CLUL1: variants seen among roughly 807,000 people sequenced by gnomAD.
CLUL1 encodes the protein clusterin like 1, also known as clusterin-like protein 1.
In CLUL1, 43 loss-of-function variants were observed where a neutral mutation model predicts 49.4. The ratio of observed to expected loss-of-function variants is 0.87; its 90% CI spans 0.68 to 1.12. The LOEUF is 1.12. CLUL1 is among the 50% of genes most tolerant of loss of function. The pLI, the probability that CLUL1 is intolerant of heterozygous loss-of-function variation, is 0.00. For missense variants in CLUL1, 486 were observed against 544.4 expected (o/e 0.89, Z 1.07); for synonymous variants, 192 against 184.9 (o/e 1.04, Z -0.31).
chr18:620,225 G>T (rs530191009), intron 4 of CLUL1, among the ~76,000 whole-genome samples: 8 of 152,112 alleles, frequency 5.3e-5, no homozygotes, highest in African/African-American at 1.9e-4. Flanking sequence ...ACTTTTAGCC[G>T]ACTTGCCAGA....
chr18:641,219 G>T, intron 7 of CLUL1, 108 bp from the exon 8 acceptor site: 1 of 845,380 alleles, frequency 1.2e-6, no homozygotes, highest in South Asian at 1.7e-5. Context: ...AACTACCACA[G>T]GCAAAAGGGG....
chr18:614,319 G>A (rs1598415136), intron 2 of CLUL1, among the ~76,000 whole-genome samples: 1 of 131,176 alleles, frequency 7.6e-6, no homozygotes, highest in African/African-American at 2.8e-5. Context: ...GGAAGGGAGG[G>A]AGGGAAGGAA....
At position 650,058 on chromosome 18, in the gene CLUL1, G is replaced by A; in HGVS notation, c.*157G>A. 3.8e-6 allele frequency: 2 copies of A among 520,136 alleles called. No homozygotes were observed. The allele number at this position is 520,136 out of a possible 1,614,324, so 32.2% of individuals were successfully genotyped here. A position where few individuals can be genotyped will look rare whatever the true frequency, so the allele number is the denominator to read the frequency against. Reference sequence around the variant, plus strand: ...ACTCTTAGTTTACTTATGTTGAATGGCTTAGCTATTAATACTCAAATTGAG... The same window carrying A: ...ACTCTTAGTTTACTTATGTTGAATGACTTAGCTATTAATACTCAAATTGAG... On this transcript the variant is annotated 3_prime_UTR_variant, in exon 10 of 10. Coordinates refer to ENST00000692774, the MANE Select transcript of CLUL1 (RefSeq NM_001393344.1).
At chr18:634,322 GA>G in intron 7 of CLUL1, among the ~76,000 whole-genome samples, 1 of 152,140 alleles carries the variant, frequency 6.6e-6, no homozygotes, top group South Asian at 2.1e-4. Flanking sequence ...TAGTAGGGAC[GA>G]GGGTTTCACC....
Position 618,240 on chromosome 18 carries a change from C to A in CLUL1, c.106+134C>A. 1 of 646,248 alleles carries A rather than the reference C, an allele frequency of 1.5e-6. No individual in the cohort carries two copies. Among genetic ancestry groups the A allele is most frequent in the Non-Finnish European group, 2.7e-6 (1 of 374,572 alleles). The allele number at this position is 646,248 out of a possible 1,614,324, so 40.0% of individuals were successfully genotyped here. A position where few individuals can be genotyped will look rare whatever the true frequency, so the allele number is the denominator to read the frequency against. ...TGAAACGTTCTCAAGGCGCTTAAACCAGGTCATCCTGACGCCAAACATCTG... is the reference window on the plus strand; with the variant it reads ...TGAAACGTTCTCAAGGCGCTTAAACAAGGTCATCCTGACGCCAAACATCTG... On this transcript the variant is annotated intron_variant, in intron 3 of 9. Transcript: ENST00000692774. This position sits in a 1 kb window ranked among gnomAD's most constrained non-coding sequence, Gnocchi z 4.2.
In CLUL1 at chr18:627,300, T is replaced by C; in HGVS notation, c.627T>C (p.Phe209=). 6.2e-7 allele frequency: 1 copy of C among 1,614,078 alleles called. No homozygotes were observed. Among genetic ancestry groups the C allele is most frequent in the South Asian group, 1.1e-5 (1 of 91,076 alleles). ...TCTTCAGACAGATGCAGCAAGAGTT[T>C]GACCAGACTTTTCAATCACATTTCA... The part of the protein sequence containing the change: ...FNVFRQMQQE[F]DQTFQSHFIS... Residue 209 remains phenylalanine (F), a synonymous_variant, in exon 6 of 10, where the codon TTT becomes TTC. Transcript: ENST00000692774.
intron 6 of CLUL1, among the ~76,000 whole-genome samples, chr18:630,025 C>G (rs1254007869): frequency 6.6e-6 from 1 of 152,150 alleles, no homozygotes; most frequent in Non-Finnish European, 1.5e-5. Context: ...ACCCTAATCC[C>G]CAGAACCTGT....
intron 9 of CLUL1, among the ~76,000 whole-genome samples, chr18:646,424 G>A (rs983808644): frequency 2.0e-5 from 3 of 150,826 alleles, no homozygotes; most frequent in Non-Finnish European, 4.4e-5. Context: ...CTCTGAAAGA[G>A]AAAATGAGAA....
chr18:619,480 T>C (rs2073420435), intron 4 of CLUL1, 119 bp downstream of exon 4: 1 of 973,486 alleles, frequency 1.0e-6, no homozygotes. Context: ...GGGTAGCTGC[T>C]TTTATTTGAG....
chr18:626,259 C>T (rs1205334862), intron 5 of CLUL1, among the ~76,000 whole-genome samples: 2 of 151,962 alleles, frequency 1.3e-5, no homozygotes, highest in Non-Finnish European at 2.9e-5. Context: ...ATTACAGGCG[C>T]CCACCACCAC....
intron 2 of CLUL1, chr18:613,149 T>A (rs2073189427): frequency 3.5e-6 from 1 of 281,790 alleles, no homozygotes; most frequent in African/African-American, 1.3e-4. Context: ...TTTATTGTAT[T>A]TTTTTTGAGA....
chr18:614,138 G>A (rs1477414878), intron 2 of CLUL1, among the ~76,000 whole-genome samples: 1 of 152,162 alleles, frequency 6.6e-6, no homozygotes, highest in African/African-American at 2.4e-5. Context: ...TATGTCCATC[G>A]GTCCTTTCCA....
intron 1 of CLUL1, among the ~76,000 whole-genome samples, chr18:602,607 G>A (rs1235125593): frequency 1.3e-5 from 2 of 152,166 alleles, no homozygotes; most frequent in Non-Finnish European, 2.9e-5. Flanking sequence ...TCTGTTTCCT[G>A]TGTAGACCCT....
At position 633,317 on chromosome 18, in the gene CLUL1, G is replaced by A. The variant is rs1294745356; in HGVS notation, c.876G>A (p.Leu292=). 6.2e-7 allele frequency: 1 copy of A among 1,613,008 alleles called. No homozygotes were observed. Among genetic ancestry groups the A allele is most frequent in the African/African-American group, 1.3e-5 (1 of 75,022 alleles). The change falls in exon 7 of 10, where the codon CTG becomes CTA. Residue 292 remains leucine, a synonymous_variant. Transcript: ENST00000692774. ...KQDKAPDHGG[L]ISKMLPGQDR... ...CTGTAGCTCCTGACCACGGAGGCCTGATTTCAAAGATGTTACCTGGGCAGG... is the reference window on the plus strand; with the variant it reads ...CTGTAGCTCCTGACCACGGAGGCCTAATTTCAAAGATGTTACCTGGGCAGG...
chr18:619,784 A>G (rs2073431427), intron 4 of CLUL1, among the ~76,000 whole-genome samples: 1 of 152,010 alleles, frequency 6.6e-6, no homozygotes. Context: ...GATCCCGCTC[A>G]TTGCAACCTC....
At chr18:648,011 T>TTAA (rs1196246109) in intron 9 of CLUL1, among the ~76,000 whole-genome samples, 1 of 152,126 alleles carries the variant, frequency 6.6e-6, no homozygotes, top group Non-Finnish European at 1.5e-5. Flanking sequence ...AATAAATTAA[T>TTAA]TAATAAACAC....
chr18:630,050 T>C (rs62090085), intron 6 of CLUL1, among the ~76,000 whole-genome samples: 22,952 of 152,156 alleles, frequency 0.15, 2,109 homozygotes, highest in Non-Finnish European at 0.2. Context: ...TTATGTTATG[T>C]GGCAAAGGGA....
At chr18:615,162 G>T (rs529799965) in intron 2 of CLUL1, among the ~76,000 whole-genome samples, 1 of 152,120 alleles carries the variant, frequency 6.6e-6, no homozygotes, top group Non-Finnish European at 1.5e-5. Flanking sequence ...GCATAATGAT[G>T]TCATAATTAT....
At position 641,534 on chromosome 18, in the gene CLUL1, CA is replaced by C; in HGVS notation, c.1204del (p.Ile402TyrfsTer3). On this transcript the variant is annotated frameshift_variant, in exon 8 of 10. Transcript: ENST00000692774. LOFTEE classifies it high-confidence loss of function. Reference sequence around the variant, plus strand: ...CCAGAAACAGAGATCATCTTTAATTCAATACAGGTAAAGGAGAGACCCAAGA... The same window carrying C: ...CCAGAAACAGAGATCATCTTTAATTCATACAGGTAAAGGAGAGACCCAAGA... ...QAPETEIIFN[S>X]IQVVPRIHEG... is the part of the protein sequence containing the mutation. 3.1e-6 allele frequency: 5 copies of C among 1,613,762 alleles called. No individual in the cohort carries two copies. Among genetic ancestry groups the C allele is most frequent in the Non-Finnish European group, 4.2e-6 (5 of 1,179,756 alleles).
Sources: allele counts gnomAD v4.1 joint callset (sites outside exome capture counted in the v4.1 genomes callset), GRCh38; gene constraint gnomAD v4.1.1; non-coding constraint Gnocchi (gnomAD v3.1); transcripts MANE v1.5; gene names NCBI Gene and HGNC (gene_info 2026-07-23, HGNC 2026-07-21).